Variants in NGEF observed in about 807,000 individuals in gnomAD.
NGEF encodes the protein neuronal guanine nucleotide exchange factor, also known as ephexin-1.
In NGEF, 31 loss-of-function variants were observed where a neutral mutation model predicts 80.9. That is an observed-to-expected ratio of 0.38 (90% CI 0.29 to 0.52). The LOEUF is 0.52. Among genes scored for constraint, NGEF ranks in the 20% least tolerant of loss-of-function variants. The pLI is 0.84. For missense variants in NGEF, 709 were observed against 926.2 expected (o/e 0.77, Z 3.04); for synonymous variants, 371 against 370.2 (o/e 1.00, Z -0.03).
intron 3 of NGEF, among the ~76,000 whole-genome samples, chr2:232,967,325 CT>C (rs1468168081): frequency 6.6e-6 from 1 of 151,974 alleles, no homozygotes; most frequent in Non-Finnish European, 1.5e-5. Flanking sequence ...AATCAAACTT[CT>C]TTTCTTCATT....
At chr2:232,954,103 TGCAGTGTCAG>T (rs1201726048) in intron 3 of NGEF, among the ~76,000 whole-genome samples, 5 of 152,176 alleles carry the variant, frequency 3.3e-5, no homozygotes, top group African/African-American at 1.2e-4. Flanking sequence ...GAGTCAGGGC[TGCAGTGTCAG>T]GCAGTTCAGG....
intron 5 of NGEF, among the ~76,000 whole-genome samples, chr2:232,900,119 C>T (rs1251294151): frequency 7.1e-6 from 1 of 140,956 alleles, no homozygotes; most frequent in Non-Finnish European, 1.5e-5. Flanking sequence ...CACTCATATA[C>T]ACGTTCACTC....
In NGEF at chr2:232,879,663, C is replaced by T; in HGVS notation, c.1959G>A (p.Glu653=). ...AGCCTCTCTCCTGGTCGTGCAGACG[C>T]TCGCCAAAGATCCACCCTGTGCAGG... ...DKTDDGWIFG[E]RLHDQERGWF... Residue 653 remains glutamate, a synonymous_variant, in exon 15 of 15, where the codon GAG becomes GAA. Coordinates refer to ENST00000264051, the MANE Select transcript of NGEF (RefSeq NM_019850.3). The T allele has an allele frequency of 2.5e-6, 4 of 1,612,732 alleles. No individual in the cohort carries two copies. Among genetic ancestry groups the T allele is most frequent in the Non-Finnish European group, 3.4e-6 (4 of 1,179,390 alleles).
chr2:232,934,837 TA>T (rs2106291783), intron 3 of NGEF, among the ~76,000 whole-genome samples: 1 of 151,420 alleles, frequency 6.6e-6, no homozygotes, highest in East Asian at 1.9e-4. Flanking sequence ...ACCTCATCTC[TA>T]AAAAAGAAAA....
intron 2 of NGEF, among the ~76,000 whole-genome samples, chr2:232,973,125 C>T (rs1394075587): frequency 2.0e-5 from 3 of 152,144 alleles, no homozygotes; most frequent in Non-Finnish European, 4.4e-5. Context: ...CTAACCCCAG[C>T]AGAAGGGTCT....
intron 1 of NGEF, among the ~76,000 whole-genome samples, chr2:233,008,944 G>A (rs1323851136): frequency 6.6e-6 from 1 of 151,988 alleles, no homozygotes; most frequent in Non-Finnish European, 1.5e-5. Flanking sequence ...GGGATTACAG[G>A]TGCCACTACG....
intron 5 of NGEF, among the ~76,000 whole-genome samples, chr2:232,903,885 ATTTTC>A (rs1320581929): frequency 6.6e-6 from 1 of 152,172 alleles, no homozygotes. Flanking sequence ...AAAATGCACA[ATTTTC>A]TTTTGGGAGT....
At chr2:232,883,874 G>C (rs1345757579) in intron 11 of NGEF, 107 bp downstream of exon 11, 1 of 1,209,904 alleles carries the variant, frequency 8.3e-7, no homozygotes, top group Non-Finnish European at 1.1e-6. Flanking sequence ...TGACCGAAGA[G>C]CCCAAGCTCT....
chr2:232,979,795 G>T (rs551674289), intron 1 of NGEF, among the ~76,000 whole-genome samples: 22 of 151,686 alleles, frequency 1.5e-4, no homozygotes, highest in Middle Eastern at 3.5e-3. Flanking sequence ...GACAGGACTT[G>T]GTCTGTTTGG....
intron 3 of NGEF, among the ~76,000 whole-genome samples, chr2:232,957,888 A>G (rs1209201686): frequency 1.3e-5 from 2 of 152,258 alleles, no homozygotes. Flanking sequence ...GGGGAAAAAC[A>G]TTTAGAACTG....
chr2:232,928,389 G>T (rs1239644152), intron 3 of NGEF, among the ~76,000 whole-genome samples: 1 of 151,758 alleles, frequency 6.6e-6, no homozygotes, highest in Admixed American at 6.6e-5. Context: ...GGAGGCCCTG[G>T]AGCTGCGCCT....
chr2:232,997,968 G>A (rs1230214814), intron 1 of NGEF, among the ~76,000 whole-genome samples: 2 of 152,172 alleles, frequency 1.3e-5, no homozygotes, highest in African/African-American at 4.8e-5. Context: ...AACGTGCCCC[G>A]ATAGGACAGG....
chr2:232,904,162 G>C (rs1253359335), intron 5 of NGEF, among the ~76,000 whole-genome samples: 2 of 152,106 alleles, frequency 1.3e-5, no homozygotes, highest in Non-Finnish European at 2.9e-5. Flanking sequence ...TCCTGTCTGG[G>C]CATGGGGGGA....
chr2:232,879,421 C>CA lies in NGEF; in HGVS notation c.*67_*68insT, dbSNP rs1491382169. On this transcript the variant is annotated 3_prime_UTR_variant, in exon 15 of 15. Transcript: ENST00000264051. Reference sequence around the variant, plus strand: ...AGGTGCTGGCCTGTGCTTCCCAGAGCCCCCCCCCCCCCACCTTCTGTCGGG... The same window carrying CA: ...AGGTGCTGGCCTGTGCTTCCCAGAGCACCCCCCCCCCCCACCTTCTGTCGGG... 2.4e-4 allele frequency: 8 copies of CA among 34,040 alleles called. No individual in the cohort carries two copies. In the East Asian group the frequency reaches 0.012, roughly 53 times the overall value. 2.1% of individuals were successfully genotyped at this position (34,040 alleles called of 1,614,324 possible).
intron 1 of NGEF, among the ~76,000 whole-genome samples, chr2:233,000,258 G>A (rs1429181392): frequency 6.6e-6 from 1 of 152,160 alleles, no homozygotes; most frequent in Non-Finnish European, 1.5e-5. Context: ...GCCATGCTTG[G>A]CTAATTTTTT....
intron 3 of NGEF, 108 bp from the exon 4 acceptor site, chr2:232,927,294 A>C: frequency 2.4e-6 from 3 of 1,254,516 alleles, no homozygotes; most frequent in South Asian, 1.6e-5. Flanking sequence ...GCCGGACCTT[A>C]CCCGGGACCG....
At chr2:232,932,746 G>A (rs1254128334) in intron 3 of NGEF, among the ~76,000 whole-genome samples, 1 of 152,010 alleles carries the variant, frequency 6.6e-6, no homozygotes, top group African/African-American at 2.4e-5. Flanking sequence ...GGCTGCGGAC[G>A]GCTGACTCCT....
intron 3 of NGEF, among the ~76,000 whole-genome samples, chr2:232,960,318 G>A (rs1188730285): frequency 6.6e-6 from 1 of 152,212 alleles, no homozygotes; most frequent in East Asian, 1.9e-4. Context: ...TCATGACCTT[G>A]TGCCTGTAGG....
At chr2:232,946,247 C>T (rs762172541) in intron 3 of NGEF, among the ~76,000 whole-genome samples, 48 of 150,972 alleles carry the variant, frequency 3.2e-4, no homozygotes, top group Admixed American at 1.9e-3. Context: ...GATACAAAGA[C>T]GTAAGAATGA....
Sources: gnomAD v4.1 joint callset for allele counts (sites outside exome capture counted in the v4.1 genomes callset) on GRCh38, gnomAD v4.1.1 for gene constraint, MANE v1.5 for transcripts, NCBI Gene and HGNC (gene_info 2026-07-23, HGNC 2026-07-21) for gene names.